SLAIN1: variants seen among roughly 807,000 people sequenced by gnomAD.
The protein encoded by SLAIN1 is SLAIN family member 1.
Under a neutral mutation model 55.4 loss-of-function variants are expected in SLAIN1, and 17 were observed. That is an observed-to-expected ratio of 0.31 (90% CI 0.21 to 0.46). SLAIN1 has a LOEUF of 0.46. SLAIN1 is among the 20% of genes least tolerant of loss of function. The probability of loss-of-function intolerance (pLI) is 1.00; values close to 1 mark genes in which losing one functional copy is unlikely to be tolerated. For missense variants in SLAIN1, 682 were observed against 785.1 expected (o/e 0.87, Z 1.57); for synonymous variants, 348 against 337.4 (o/e 1.03, Z -0.35).
At chr13:77,758,820 T>C (rs1356085831) in intron 5 of SLAIN1, among the ~76,000 whole-genome samples, 2 of 152,204 alleles carry the variant, frequency 1.3e-5, no homozygotes, top group African/African-American at 4.8e-5. Context: ...GCTGTTTTGG[T>C]AACTATAGCC....
intron 1 of SLAIN1, among the ~76,000 whole-genome samples, chr13:77,710,421 A>T (rs999406695): frequency 9.9e-5 from 15 of 152,094 alleles, no homozygotes; most frequent in African/African-American, 3.6e-4. Flanking sequence ...AAAACAAAAC[A>T]AAAAAACATG....
At position 77,698,315 on chromosome 13, in the gene SLAIN1, C is replaced by T. The variant is rs1053069492; in HGVS notation, c.402C>T (p.Ser134=). ...GTFCLPSPAP[S]LLCSLAQPPE... The stretch of plus-strand genomic sequence containing the variant: ...TCTGCCTGCCTAGCCCCGCGCCCTC[C>T]CTGCTTTGCAGCCTGGCGCAGCCAC... The change falls in exon 1 of 7, where the codon TCC becomes TCT. Residue 134 remains serine, a synonymous_variant. Coordinates refer to ENST00000418532, the MANE Select transcript of SLAIN1 (RefSeq NM_001242868.2). This position sits in a 1 kb window ranked among gnomAD's most constrained non-coding sequence, Gnocchi z 4.1. 20 of 1,446,796 alleles carry T rather than the reference C, an allele frequency of 1.4e-5. No homozygotes were observed. In the Admixed American group the frequency reaches 4.0e-4, roughly 29 times the overall value. The allele number at this position is 1,446,796 out of a possible 1,614,324, so 89.6% of individuals were successfully genotyped here.
intron 1 of SLAIN1, among the ~76,000 whole-genome samples, chr13:77,706,063 G>A (rs1594250105): frequency 6.6e-6 from 1 of 152,090 alleles, no homozygotes; most frequent in African/African-American, 2.4e-5. Context: ...ACAGGAAGCA[G>A]TCCTCTACTC....
chr13:77,727,444 A>G (rs961903942), intron 2 of SLAIN1, among the ~76,000 whole-genome samples: 1 of 151,474 alleles, frequency 6.6e-6, no homozygotes, highest in Non-Finnish European at 1.5e-5. Context: ...GGGCAAAAAA[A>G]AAAACAAAAC....
At chr13:77,745,337 T>C (rs187217941) in intron 3 of SLAIN1, among the ~76,000 whole-genome samples, 15 of 152,180 alleles carry the variant, frequency 9.9e-5, no homozygotes, top group Admixed American at 2.6e-4. Context: ...TTTTGCACAA[T>C]GTTACCACTG....
At position 77,746,576 on chromosome 13, in the gene SLAIN1, T is replaced by C. The variant is rs759956407; in HGVS notation, c.979T>C (p.Leu327=). ...ATCAAGACATAGTTCCAGTGTGTCA[T>C]TGAGTTCAGGAAAAAAAGGGACATG... ...SVSRHSSSVS[L]SSGKKGTCSD... Residue 327 remains leucine, a synonymous_variant, in exon 4 of 7, where the codon TTG becomes CTG. Transcript: ENST00000418532. The C allele has an allele frequency of 3.0e-5, 48 of 1,613,438 alleles. No homozygotes were observed. Among genetic ancestry groups the C allele is most frequent in the Middle Eastern group, 3.3e-4 (2 of 6,076 alleles).
intron 1 of SLAIN1, chr13:77,699,004 C>T: frequency 3.3e-6 from 5 of 1,535,122 alleles, no homozygotes; most frequent in Non-Finnish European, 4.4e-6. Context: ...GCGTGCTCTT[C>T]CTCCTCGGGT....
intron 2 of SLAIN1, among the ~76,000 whole-genome samples, chr13:77,731,488 C>T (rs1175723870): frequency 6.6e-6 from 1 of 151,928 alleles, no homozygotes; most frequent in Non-Finnish European, 1.5e-5. Flanking sequence ...CAGTGGGAAA[C>T]GTACAAGGAA....
At chr13:77,749,605 A>G (rs192390154) in intron 4 of SLAIN1, among the ~76,000 whole-genome samples, 19 of 152,286 alleles carry the variant, frequency 1.2e-4, no homozygotes, top group Non-Finnish European at 2.2e-4. Flanking sequence ...TACTTGGTCT[A>G]TTCTTCCAGT....
At chr13:77,725,046 A>C (rs2091295277) in intron 2 of SLAIN1, among the ~76,000 whole-genome samples, 1 of 152,214 alleles carries the variant, frequency 6.6e-6, no homozygotes, top group Non-Finnish European at 1.5e-5. Flanking sequence ...CACAAAATAG[A>C]TGCTGTTGCT....
intron 2 of SLAIN1, among the ~76,000 whole-genome samples, chr13:77,733,395 T>A (rs530212871): frequency 4.1e-4 from 62 of 152,266 alleles, no homozygotes; most frequent in Admixed American, 4.1e-3. Flanking sequence ...AAATATTACA[T>A]TTTGAGTAAA....
chr13:77,746,201 T>C (rs966761908), intron 3 of SLAIN1, among the ~76,000 whole-genome samples: 1 of 152,134 alleles, frequency 6.6e-6, no homozygotes, highest in Non-Finnish European at 1.5e-5. Context: ...TAAGTTCCCC[T>C]TCTAAAATAT....
At chr13:77,731,140 C>T (rs1317667210) in intron 2 of SLAIN1, among the ~76,000 whole-genome samples, 1 of 151,986 alleles carries the variant, frequency 6.6e-6, no homozygotes, top group African/African-American at 2.4e-5. Flanking sequence ...GACAGATCCT[C>T]AGGATGAACT....
At chr13:77,724,412 C>T (rs1009333097) in intron 2 of SLAIN1, among the ~76,000 whole-genome samples, 3 of 152,102 alleles carry the variant, frequency 2.0e-5, no homozygotes, top group South Asian at 2.1e-4. Flanking sequence ...AAGTCTCTTC[C>T]GCTTTTCATT....
intron 2 of SLAIN1, among the ~76,000 whole-genome samples, chr13:77,739,701 C>T (rs1343101104): frequency 6.6e-6 from 1 of 152,018 alleles, no homozygotes; most frequent in African/African-American, 2.4e-5. Context: ...TTTTGTTGGT[C>T]ACAGAATAAT....
intron 2 of SLAIN1, among the ~76,000 whole-genome samples, chr13:77,733,850 A>G (rs141672134): frequency 6.4e-4 from 97 of 152,284 alleles, no homozygotes; most frequent in Middle Eastern, 3.4e-3. Context: ...AGTTTACCCA[A>G]TAAAAAATAT....
intron 2 of SLAIN1, among the ~76,000 whole-genome samples, chr13:77,739,424 C>G (rs1378822607): frequency 6.6e-6 from 1 of 152,020 alleles, no homozygotes; most frequent in African/African-American, 2.4e-5. Flanking sequence ...ACTGAAATGA[C>G]TGTAGTGAGA....
At chr13:77,717,076 C>CT (rs1006794719) in intron 1 of SLAIN1, among the ~76,000 whole-genome samples, 6 of 151,688 alleles carry the variant, frequency 4.0e-5, no homozygotes, top group South Asian at 4.2e-4. Flanking sequence ...TGTCAAATGC[C>CT]TTTTTTTTCT....
chr13:77,721,216 C>T (rs534025632), intron 2 of SLAIN1, among the ~76,000 whole-genome samples: 1 of 152,114 alleles, frequency 6.6e-6, no homozygotes, highest in Non-Finnish European at 1.5e-5. Flanking sequence ...GGCACTTCCT[C>T]GCTCTTTCAC....
Sources: gnomAD v4.1 joint callset for allele counts (sites outside exome capture counted in the v4.1 genomes callset) on GRCh38, gnomAD v4.1.1 for gene constraint, Gnocchi (gnomAD v3.1) non-coding constraint, MANE v1.5 for transcripts, NCBI Gene and HGNC (gene_info 2026-07-23, HGNC 2026-07-21) for gene names.